Variants in TCF7L2 observed in about 807,000 individuals in gnomAD.
The protein encoded by TCF7L2 is transcription factor 7 like 2.
Under a neutral mutation model 77.9 loss-of-function variants are expected in TCF7L2, and 23 were observed. That is an observed-to-expected ratio of 0.30 (90% CI 0.21 to 0.42). The LOEUF (loss-of-function observed/expected upper bound fraction) is 0.42, where lower values mean the gene tolerates loss of function less well. Ranked by LOEUF, TCF7L2 falls within the 10% of genes least tolerant of loss-of-function variation. TCF7L2 has a pLI of 1.00. For missense variants in TCF7L2, 654 were observed against 793.1 expected (o/e 0.82, Z 2.11); for synonymous variants, 413 against 340.2 (o/e 1.21, Z -2.36).
intron 5 of TCF7L2, among the ~76,000 whole-genome samples, chr10:113,120,309 C>T (rs1448270118): frequency 1.3e-5 from 2 of 152,202 alleles, no homozygotes; most frequent in South Asian, 2.1e-4. Flanking sequence ...CTCACACAGA[C>T]GGAGAAGATG....
At chr10:112,954,580 A>G (rs1056356089) in intron 3 of TCF7L2, among the ~76,000 whole-genome samples, 2 of 152,264 alleles carry the variant, frequency 1.3e-5, no homozygotes, top group African/African-American at 4.8e-5. Context: ...AACTGCATTA[A>G]GGAGAGGTCT....
At chr10:113,068,683 CCTT>C (rs1340023083) in intron 5 of TCF7L2, among the ~76,000 whole-genome samples, 14 of 152,104 alleles carry the variant, frequency 9.2e-5, no homozygotes, top group Admixed American at 7.9e-4. Flanking sequence ...AATTGACTAC[CCTT>C]CTCTTTCAGG....
intron 4 of TCF7L2, among the ~76,000 whole-genome samples, chr10:113,037,970 A>G (rs1043176021): frequency 6.6e-6 from 1 of 152,192 alleles, no homozygotes; most frequent in African/African-American, 2.4e-5. Context: ...GTAAGTGAGA[A>G]TGGGAAGAAG....
chr10:112,979,473 T>C (rs2040072211), intron 4 of TCF7L2, among the ~76,000 whole-genome samples: 1 of 152,122 alleles, frequency 6.6e-6, no homozygotes, highest in Non-Finnish European at 1.5e-5. Flanking sequence ...AGAATGACAA[T>C]AGACTGGGTG....
At chr10:113,054,386 G>A (rs2054986238) in intron 5 of TCF7L2, among the ~76,000 whole-genome samples, 1 of 152,160 alleles carries the variant, frequency 6.6e-6, no homozygotes, top group Non-Finnish European at 1.5e-5. Context: ...GGATCTTTGA[G>A]TATTGGGGTT....
intron 4 of TCF7L2, among the ~76,000 whole-genome samples, chr10:113,026,866 A>ATT (rs2049272374): frequency 1.3e-5 from 2 of 152,208 alleles, no homozygotes; most frequent in Admixed American, 6.5e-5. Flanking sequence ...TTGGGGAGGG[A>ATT]ATACCCAAAC....
chr10:113,023,104 TC>T (rs2048510006), intron 4 of TCF7L2, among the ~76,000 whole-genome samples: 1 of 152,148 alleles, frequency 6.6e-6, no homozygotes, highest in Non-Finnish European at 1.5e-5. Flanking sequence ...CTGGGGTGTT[TC>T]CTGGGCACAT....
At chr10:113,121,349 T>G (rs2064740483) in intron 5 of TCF7L2, among the ~76,000 whole-genome samples, 1 of 152,218 alleles carries the variant, frequency 6.6e-6, no homozygotes, top group African/African-American at 2.4e-5. Flanking sequence ...CAACATGCCA[T>G]TAGAAATTGC....
At chr10:113,017,527 G>T (rs1466342974) in intron 4 of TCF7L2, among the ~76,000 whole-genome samples, 1 of 152,220 alleles carries the variant, frequency 6.6e-6, no homozygotes, top group Non-Finnish European at 1.5e-5. Flanking sequence ...TGTGTTCCTT[G>T]GCTGGAGCCT....
intron 5 of TCF7L2, among the ~76,000 whole-genome samples, chr10:113,108,054 C>A (rs1352081993): frequency 1.3e-5 from 2 of 152,020 alleles, no homozygotes; most frequent in East Asian, 3.9e-4. Context: ...CTTGGTCTTC[C>A]TTTGAGAGCC....
intron 4 of TCF7L2, among the ~76,000 whole-genome samples, chr10:112,976,031 C>A (rs1026571865): frequency 6.6e-5 from 10 of 152,176 alleles, no homozygotes; most frequent in African/African-American, 2.4e-4. Flanking sequence ...TAGTTCAGTT[C>A]CTGCTTCTGG....
intron 5 of TCF7L2, among the ~76,000 whole-genome samples, chr10:113,121,381 C>T (rs893464637): frequency 3.3e-5 from 5 of 152,200 alleles, no homozygotes; most frequent in Non-Finnish European, 7.3e-5. Flanking sequence ...TCAATCCTCT[C>T]GACATGACAG....
chr10:113,044,228 A>G (rs1336256316), intron 5 of TCF7L2, among the ~76,000 whole-genome samples: 1 of 152,232 alleles, frequency 6.6e-6, no homozygotes, highest in Non-Finnish European at 1.5e-5. Flanking sequence ...AAATGCTGCA[A>G]GAGAGTGGAA....
intron 5 of TCF7L2, among the ~76,000 whole-genome samples, chr10:113,056,320 C>T (rs2055372411): frequency 6.6e-6 from 1 of 152,182 alleles, no homozygotes; most frequent in South Asian, 2.1e-4. Context: ...TTGCGAATTA[C>T]TTGGGATTTG....
intron 3 of TCF7L2, among the ~76,000 whole-genome samples, chr10:112,953,023 G>A (rs147471510): frequency 2.3e-4 from 35 of 151,940 alleles, no homozygotes; most frequent in Middle Eastern, 3.4e-3. Flanking sequence ...TTTCTTTTTC[G>A]GTAACTCTAG....
At chr10:113,096,578 C>CT (rs201680388) in intron 5 of TCF7L2, among the ~76,000 whole-genome samples, 26 of 148,752 alleles carry the variant, frequency 1.7e-4, no homozygotes, top group African/African-American at 5.4e-4. Context: ...TCAGTAGTTT[C>CT]TTTTTTTTTT....
intron 5 of TCF7L2, among the ~76,000 whole-genome samples, chr10:113,112,490 A>G (rs1013347890): frequency 6.6e-6 from 1 of 152,240 alleles, no homozygotes; most frequent in Non-Finnish European, 1.5e-5. Context: ...CCCTGGTCTC[A>G]TAATTCCCTG....
intron 4 of TCF7L2, among the ~76,000 whole-genome samples, chr10:112,977,458 A>T (rs552975723): frequency 6.6e-6 from 1 of 152,230 alleles, no homozygotes; most frequent in Admixed American, 6.5e-5. Context: ...GGGAGCAGAC[A>T]TTGACATACG....
At position 113,151,425 on chromosome 10, in the gene TCF7L2, T is replaced by C. The variant is rs1481130212; in HGVS notation, c.1002-300T>C. Among the ~76,000 whole-genome samples the C allele has an allele frequency of 6.6e-6, 1 of 152,158 alleles. No individual in the cohort carries two copies. Among genetic ancestry groups the C allele is most frequent in the East Asian group, 1.9e-4 (1 of 5,180 alleles). ...TCATTGAACATTTAGAGCTTTGTTC[T>C]GCAAGCAGGAGAAAACCCTGCCGAG... On this transcript the variant is annotated intron_variant, in intron 9 of 13. Coordinates refer to ENST00000627217, the MANE Select transcript of TCF7L2 (RefSeq NM_001146274.2). The surrounding 1 kb of genome is among the most constrained non-coding windows in gnomAD (Gnocchi z 5.2).
Sources: gnomAD v4.1 joint callset for allele counts (sites outside exome capture counted in the v4.1 genomes callset) on GRCh38, gnomAD v4.1.1 for gene constraint, Gnocchi (gnomAD v3.1) non-coding constraint, MANE v1.5 for transcripts, NCBI Gene and HGNC (gene_info 2026-07-23, HGNC 2026-07-21) for gene names.